PARD3: variants seen among roughly 807,000 people sequenced by gnomAD.
The protein encoded by PARD3 is par-3 family cell polarity regulator.
Under a neutral mutation model 155.4 loss-of-function variants are expected in PARD3, and 75 were observed. The ratio of observed to expected loss-of-function variants is 0.48; its 90% CI spans 0.40 to 0.58. The LOEUF (loss-of-function observed/expected upper bound fraction) is 0.58, where lower values mean the gene tolerates loss of function less well. PARD3 is among the 20% of genes least tolerant of loss of function. The pLI is 0.00. For synonymous variants in PARD3, 576 were observed against 610.5 expected (o/e 0.94, Z 0.83); for missense variants, 1,642 against 1,721.7 (o/e 0.95, Z 0.82).
chr10:34,370,437 T>C (rs1483254602), intron 12 of PARD3, among the ~76,000 whole-genome samples: 4 of 151,470 alleles, frequency 2.6e-5, no homozygotes, highest in African/African-American at 4.9e-5. Flanking sequence ...ATGTTTTTTA[T>C]TGTTGTTTAT....
At chr10:34,692,997 T>C (rs2094098407) in intron 2 of PARD3, among the ~76,000 whole-genome samples, 1 of 152,048 alleles carries the variant, frequency 6.6e-6, no homozygotes, top group African/African-American at 2.4e-5. Context: ...AAAACCACAA[T>C]GAGACACCAC....
intron 7 of PARD3, among the ~76,000 whole-genome samples, chr10:34,389,748 G>A (rs1442298835): frequency 6.6e-6 from 1 of 152,146 alleles, no homozygotes; most frequent in Admixed American, 6.5e-5. Context: ...ACCTACATGA[G>A]CCCAGAAAGT....
intron 5 of PARD3, among the ~76,000 whole-genome samples, chr10:34,429,777 C>T (rs1029469956): frequency 1.3e-5 from 2 of 152,068 alleles, no homozygotes; most frequent in African/African-American, 2.4e-5. Flanking sequence ...AGTAGAGACA[C>T]GGTTTCACTA....
chr10:34,512,109 G>T (rs531273030), intron 3 of PARD3, among the ~76,000 whole-genome samples: 1 of 152,100 alleles, frequency 6.6e-6, no homozygotes, highest in Admixed American at 6.6e-5. Flanking sequence ...TCAGTACCTA[G>T]ATCCATTATG....
At chr10:34,749,596 T>C (rs563941310) in intron 1 of PARD3, among the ~76,000 whole-genome samples, 2 of 152,242 alleles carry the variant, frequency 1.3e-5, no homozygotes, top group South Asian at 2.1e-4. Flanking sequence ...AGAACTTATA[T>C]GATGTATACA....
chr10:34,542,895 T>C (rs571150062), intron 2 of PARD3, among the ~76,000 whole-genome samples: 2 of 152,350 alleles, frequency 1.3e-5, no homozygotes, highest in Admixed American at 1.3e-4. Context: ...TCCAGAATTT[T>C]TGTTTAAACG....
At chr10:34,270,140 C>CTTT (rs3039311) in intron 21 of PARD3, among the ~76,000 whole-genome samples, 3 of 121,798 alleles carry the variant, frequency 2.5e-5, no homozygotes, top group Admixed American at 8.3e-5. Context: ...TAATTTAAAT[C>CTTT]TTTTTTTTTT....
intron 1 of PARD3, among the ~76,000 whole-genome samples, chr10:34,796,618 T>G (rs759927785): frequency 2.6e-5 from 4 of 152,180 alleles, no homozygotes; most frequent in Non-Finnish European, 4.4e-5. Flanking sequence ...ATAGTTGCAG[T>G]AGATTTGAAG....
intron 22 of PARD3, among the ~76,000 whole-genome samples, chr10:34,189,647 C>T (rs1415837487): frequency 2.6e-5 from 4 of 152,182 alleles, no homozygotes; most frequent in African/African-American, 9.7e-5. Context: ...TACATGTTTC[C>T]ATGACCTACT....
At chr10:34,625,946 G>GC (rs1305441298) in intron 2 of PARD3, among the ~76,000 whole-genome samples, 13 of 152,174 alleles carry the variant, frequency 8.5e-5, no homozygotes, top group Admixed American at 8.5e-4. Context: ...CTTCACCAGA[G>GC]CCCCATCTTA....
chr10:34,296,288 G>A (rs1956906171), intron 20 of PARD3, among the ~76,000 whole-genome samples: 1 of 152,004 alleles, frequency 6.6e-6, no homozygotes, highest in African/African-American at 2.4e-5. Context: ...CTGGAGTGCA[G>A]TGGTGCAATC....
intron 5 of PARD3, among the ~76,000 whole-genome samples, chr10:34,432,041 C>CAA (rs142848273): frequency 0.11 from 2,324 of 21,540 alleles, 843 homozygotes; most frequent in Middle Eastern, 0.2. Context: ...GACTCTGTCT[C>CAA]AAAAAAAAAA....
At chr10:34,621,118 A>G (rs1304011116) in intron 2 of PARD3, among the ~76,000 whole-genome samples, 1 of 152,254 alleles carries the variant, frequency 6.6e-6, no homozygotes, top group Non-Finnish European at 1.5e-5. Flanking sequence ...AGGTTTGCGC[A>G]GAAAAAGATT....
intron 2 of PARD3, among the ~76,000 whole-genome samples, chr10:34,557,508 C>T (rs779253642): frequency 4.0e-5 from 6 of 151,672 alleles, no homozygotes; most frequent in South Asian, 2.1e-4. Context: ...AGATGGAGTT[C>T]GCTCTTGTTG....
intron 22 of PARD3, among the ~76,000 whole-genome samples, chr10:34,142,217 G>A (rs1302074279): frequency 6.6e-6 from 1 of 152,088 alleles, no homozygotes; most frequent in East Asian, 1.9e-4. Context: ...AATGTTTTCG[G>A]GGTATACCTA....
chr10:34,403,129 T>C (rs1844075824), intron 5 of PARD3, among the ~76,000 whole-genome samples: 1 of 152,228 alleles, frequency 6.6e-6, no homozygotes, highest in Non-Finnish European at 1.5e-5. Flanking sequence ...TAGGAATCTC[T>C]GTGGTAATAT....
intron 3 of PARD3, among the ~76,000 whole-genome samples, chr10:34,492,146 G>T (rs1019983755): frequency 2.6e-5 from 4 of 152,188 alleles, no homozygotes; most frequent in African/African-American, 7.2e-5. Flanking sequence ...TTTACAAAAT[G>T]TATCTACATT....
At chr10:34,710,420 C>A (rs2094433479) in intron 1 of PARD3, among the ~76,000 whole-genome samples, 1 of 139,456 alleles carries the variant, frequency 7.2e-6, no homozygotes. Flanking sequence ...GAATACATTT[C>A]TTTCTTTCCC....
intron 22 of PARD3, among the ~76,000 whole-genome samples, chr10:34,145,221 A>ATATATAT (rs1491430560): frequency 2.9e-5 from 1 of 33,970 alleles, no homozygotes; most frequent in African/African-American, 1.4e-4. Context: ...ATATATATAT[A>ATATATAT]TTTTTTTTTT....
Sources: allele counts gnomAD v4.1 joint callset (sites outside exome capture counted in the v4.1 genomes callset), GRCh38; gene constraint gnomAD v4.1.1; transcripts MANE v1.5; gene names NCBI Gene and HGNC (gene_info 2026-07-23, HGNC 2026-07-21).